Variants in SDK2 observed in about 807,000 individuals in gnomAD.
The protein encoded by SDK2 is sidekick cell adhesion molecule 2.
Under a neutral mutation model 253.9 loss-of-function variants are expected in SDK2, and 105 were observed. That is an observed-to-expected ratio of 0.41 (90% CI 0.35 to 0.49). The LOEUF is 0.49. Among genes scored for constraint, SDK2 ranks in the 20% least tolerant of loss-of-function variants. The pLI, the probability that SDK2 is intolerant of heterozygous loss-of-function variation, is 0.06. For missense variants in SDK2, 2,608 were observed against 3,003.0 expected, an observed-to-expected ratio of 0.87 and a Z score of 3.07; for synonymous variants, 1,249 against 1,234.9, an observed-to-expected ratio of 1.01 and a Z score of -0.24.
intron 1 of SDK2, among the ~76,000 whole-genome samples, chr17:73,564,830 AAAAC>A (rs1451520873): frequency 2.1e-5 from 3 of 144,704 alleles, no homozygotes; most frequent in African/African-American, 5.3e-5. Flanking sequence ...GTCTGAAAAA[AAAAC>A]AAAAAACAAA....
intron 30 of SDK2, 67 bp downstream of exon 30, chr17:73,387,769 G>A (rs1320588769): frequency 4.3e-6 from 6 of 1,405,076 alleles, no homozygotes; most frequent in Non-Finnish European, 4.8e-6. Flanking sequence ...CCTACCCAGT[G>A]GAGGAGCACC....
Position 73,467,933 on chromosome 17 carries a change from C to T in SDK2, c.331+4179G>A, listed in dbSNP as rs942926483. Among the ~76,000 whole-genome samples, 15 of 152,188 alleles carry T rather than the reference C, an allele frequency of 9.9e-5. No individual in the cohort carries two copies. The highest frequency in any genetic ancestry group is 2.6e-4 in the Admixed American group (4 of 15,284). On this transcript the variant is annotated intron_variant, in intron 3 of 44. Coordinates refer to ENST00000392650, the MANE Select transcript of SDK2 (RefSeq NM_001144952.2). The surrounding 1 kb of genome is among the most constrained non-coding windows in gnomAD (Gnocchi z 4.1). ...ACCTGGGTCTCTCTCTCTGCTCCCC[C>T]TTCAGCCACTCCAAGGTGTCCTATT...
intron 1 of SDK2, among the ~76,000 whole-genome samples, chr17:73,632,313 G>C (rs1045348661): frequency 6.6e-6 from 1 of 152,238 alleles, no homozygotes; most frequent in African/African-American, 2.4e-5. Context: ...TCAGCTGCCA[G>C]CATGGCTAGA....
chr17:73,535,198 C>A (rs1055907399), intron 1 of SDK2, among the ~76,000 whole-genome samples: 1 of 152,164 alleles, frequency 6.6e-6, no homozygotes, highest in African/African-American at 2.4e-5. Context: ...GAATAGGCTG[C>A]GTACATTTCC....
intron 1 of SDK2, among the ~76,000 whole-genome samples, chr17:73,606,800 G>A (rs188325579): frequency 9.9e-5 from 15 of 152,250 alleles, no homozygotes; most frequent in African/African-American, 2.2e-4. Flanking sequence ...TATTAGTCAC[G>A]GAAACATATT....
At chr17:73,586,811 G>A (rs1014244161) in intron 1 of SDK2, among the ~76,000 whole-genome samples, 3 of 152,172 alleles carry the variant, frequency 2.0e-5, no homozygotes, top group African/African-American at 7.2e-5. Context: ...TATCTCATCC[G>A]ATTCTCATGC....
At position 73,534,427 on chromosome 17, in the gene SDK2, G is replaced by A. The variant is rs751355764; in HGVS notation, c.65-26830C>T. On this transcript the variant is annotated intron_variant, in intron 1 of 44. Coordinates refer to ENST00000392650, the MANE Select transcript of SDK2 (RefSeq NM_001144952.2). This position sits in a 1 kb window ranked among gnomAD's most constrained non-coding sequence, Gnocchi z 4.9. ...AGGCAGTGCTAAAGAGACGATTGCCGACAGATGCCTGACCTCTGAGAGGCC... is the reference window on the plus strand; with the variant it reads ...AGGCAGTGCTAAAGAGACGATTGCCAACAGATGCCTGACCTCTGAGAGGCC... Among the ~76,000 whole-genome samples, 1 of 152,136 alleles carries A rather than the reference G, an allele frequency of 6.6e-6. No homozygotes were observed. The highest frequency in any genetic ancestry group is 2.4e-5 in the African/African-American group (1 of 41,408).
At chr17:73,394,081 G>A (rs1269648405) in intron 26 of SDK2, 128 bp downstream of exon 26, 7 of 563,744 alleles carry the variant, frequency 1.2e-5, no homozygotes, top group Admixed American at 3.5e-5. Context: ...TGGCTAGGAC[G>A]CCAGGCAGAT....
At chr17:73,359,456 T>C (rs536698230) in intron 39 of SDK2, among the ~76,000 whole-genome samples, 2 of 152,258 alleles carry the variant, frequency 1.3e-5, no homozygotes, top group South Asian at 2.1e-4. Context: ...TGGACACGCC[T>C]GAGGGAGTAT....
intron 1 of SDK2, among the ~76,000 whole-genome samples, chr17:73,533,963 C>A (rs527502015): frequency 6.6e-6 from 1 of 152,230 alleles, no homozygotes; most frequent in East Asian, 1.9e-4. Context: ...AAACACAATG[C>A]GGCAGCAGGA....
chr17:73,435,701 G>T lies in SDK2; in HGVS notation c.1001-57C>A. ...TGCCTCCTGCCTCCTCTCCGCCTAG[G>T]AGGGGTGCTTGGGAGGAGGCCGGGC... On this transcript the variant is annotated intron_variant, in intron 8 of 44. Coordinates refer to ENST00000392650, the MANE Select transcript of SDK2 (RefSeq NM_001144952.2). This position sits in a 1 kb window ranked among gnomAD's most constrained non-coding sequence, Gnocchi z 5.7. 6.8e-7 allele frequency: 1 copy of T among 1,468,766 alleles called. No homozygotes were observed. 91.0% of individuals were successfully genotyped at this position (1,468,766 alleles called of 1,614,324 possible).
chr17:73,384,070 C>T (rs1029543880), intron 32 of SDK2, 59 bp from the exon 33 acceptor site: 39 of 1,567,482 alleles, frequency 2.5e-5, no homozygotes, highest in South Asian at 2.0e-4. Flanking sequence ...CCCCTCCCCA[C>T]GCTCTCTCAT....
intron 1 of SDK2, among the ~76,000 whole-genome samples, chr17:73,621,163 C>A (rs533630165): frequency 1.6e-4 from 25 of 152,270 alleles, no homozygotes; most frequent in African/African-American, 6.0e-4. Context: ...ATAGATGATG[C>A]CTAAATCTCT....
intron 1 of SDK2, among the ~76,000 whole-genome samples, chr17:73,522,170 T>G (rs996697434): frequency 1.3e-5 from 2 of 152,232 alleles, no homozygotes; most frequent in Non-Finnish European, 2.9e-5. Context: ...ACCCAGAGTG[T>G]GCAACTCTGA....
At chr17:73,436,235 A>G (rs1419976516) in intron 8 of SDK2, among the ~76,000 whole-genome samples, 1 of 152,042 alleles carries the variant, frequency 6.6e-6, no homozygotes, top group Non-Finnish European at 1.5e-5. Flanking sequence ...AGGTGAAAGG[A>G]GGAGGCTCCT....
intron 37 of SDK2, 91 bp downstream of exon 37, chr17:73,368,316 A>C: frequency 8.2e-7 from 1 of 1,212,308 alleles, no homozygotes; most frequent in Non-Finnish European, 1.1e-6. Flanking sequence ...AGCTGCCCCC[A>C]TGCCTGCCAA....
chr17:73,386,048 G>A, intron 31 of SDK2, 131 bp from the exon 32 acceptor site: 1 of 652,574 alleles, frequency 1.5e-6, no homozygotes, highest in Non-Finnish European at 2.7e-6. Context: ...CATGCCTGCT[G>A]GCCCGATTTC....
intron 1 of SDK2, among the ~76,000 whole-genome samples, chr17:73,578,996 A>AG (rs2045496034): frequency 6.6e-6 from 1 of 152,046 alleles, no homozygotes; most frequent in African/African-American, 2.4e-5. Flanking sequence ...TCCTTCTGGA[A>AG]GGGGCACCCC....
At chr17:73,462,577 G>A (rs2063571542) in intron 3 of SDK2, among the ~76,000 whole-genome samples, 1 of 152,064 alleles carries the variant, frequency 6.6e-6, no homozygotes, top group Non-Finnish European at 1.5e-5. Flanking sequence ...TGGTGAGAGG[G>A]GTGGTTGTGT....
Sources: allele counts gnomAD v4.1 joint callset (sites outside exome capture counted in the v4.1 genomes callset), GRCh38; gene constraint gnomAD v4.1.1; non-coding constraint Gnocchi (gnomAD v3.1); transcripts MANE v1.5; gene names NCBI Gene and HGNC (gene_info 2026-07-23, HGNC 2026-07-21).